TLK2: variants seen among roughly 807,000 people sequenced by gnomAD.
TLK2 encodes tousled like kinase 2.
A neutral mutation model predicts 117.3 loss-of-function variants in TLK2; 6 were observed. The ratio of observed to expected loss-of-function variants is 0.05; its 90% CI spans 0.03 to 0.10. The LOEUF (loss-of-function observed/expected upper bound fraction) is 0.10, where lower values mean the gene tolerates loss of function less well. TLK2 is among the 10% of genes least tolerant of loss of function. The probability of loss-of-function intolerance (pLI) is 1.00; values close to 1 mark genes in which losing one functional copy is unlikely to be tolerated. For synonymous variants in TLK2, 257 were observed against 316.7 expected (o/e 0.81, Z 2.00); for missense variants, 299 against 901.2 (o/e 0.33, Z 8.56).
At chr17:62,578,433 A>G in intron 13 of TLK2, 44 bp from the exon 14 acceptor site, 2 of 1,519,348 alleles carry the variant, frequency 1.3e-6, no homozygotes, top group Non-Finnish European at 1.8e-6. Context: ...CCGAAAAGGT[A>G]AAGTTCCCCC....
intron 16 of TLK2, among the ~76,000 whole-genome samples, chr17:62,596,366 G>A (rs557144121): frequency 2.0e-5 from 3 of 152,286 alleles, no homozygotes; most frequent in East Asian, 3.9e-4. Context: ...GAGCCACTAC[G>A]CCCAGCCAGA....
chr17:62,494,769 C>T (rs1192356051), intron 2 of TLK2, among the ~76,000 whole-genome samples: 1 of 152,174 alleles, frequency 6.6e-6, no homozygotes, highest in African/African-American at 2.4e-5. Flanking sequence ...GCCTATGGCA[C>T]ATAGCTGAGG....
At chr17:62,590,434 C>A (rs2081992423) in intron 16 of TLK2, among the ~76,000 whole-genome samples, 1 of 152,092 alleles carries the variant, frequency 6.6e-6, no homozygotes. Flanking sequence ...CAGAGCGAGA[C>A]TCCGTCTCAA....
intron 11 of TLK2, among the ~76,000 whole-genome samples, chr17:62,566,836 C>T (rs2079833683): frequency 6.6e-6 from 1 of 152,338 alleles, no homozygotes; most frequent in Non-Finnish European, 1.5e-5. Flanking sequence ...GGTAGTCACT[C>T]TGAGCAGCCC....
intron 12 of TLK2, chr17:62,574,500 T>A: frequency 1.4e-6 from 1 of 716,174 alleles, no homozygotes. Flanking sequence ...TTCATTCATA[T>A]AACTCCAAAT....
intron 6 of TLK2, among the ~76,000 whole-genome samples, chr17:62,533,926 C>A (rs1390627005): frequency 6.6e-6 from 1 of 152,012 alleles, no homozygotes; most frequent in Non-Finnish European, 1.5e-5. Context: ...TCTGCACAAA[C>A]GTCCTACCAT....
At chr17:62,481,856 T>C (rs2071691043) in intron 2 of TLK2, among the ~76,000 whole-genome samples, 1 of 152,218 alleles carries the variant, frequency 6.6e-6, no homozygotes, top group Non-Finnish European at 1.5e-5. Flanking sequence ...TTTAATACAG[T>C]ATGCAAAGTA....
At chr17:62,606,080 A>AT in intron 19 of TLK2, 50 bp from the exon 20 acceptor site, 1 of 825,406 alleles carries the variant, frequency 1.2e-6, no homozygotes, top group Non-Finnish European at 1.8e-6. Context: ...TACATGTCTT[A>AT]AACTTATATG....
At chr17:62,531,081 C>T (rs1471026915) in intron 6 of TLK2, among the ~76,000 whole-genome samples, 5 of 152,202 alleles carry the variant, frequency 3.3e-5, no homozygotes, top group African/African-American at 9.6e-5. Context: ...CATTTCATTT[C>T]TCTTGCTTGT....
At chr17:62,588,162 T>C (rs181946419) in intron 16 of TLK2, among the ~76,000 whole-genome samples, 129 of 152,146 alleles carry the variant, frequency 8.5e-4, no homozygotes, top group African/African-American at 3.0e-3. Flanking sequence ...CATCTATACA[T>C]ATACATATTT....
chr17:62,567,127 C>CT (rs1303096177), intron 11 of TLK2, among the ~76,000 whole-genome samples: 2 of 152,074 alleles, frequency 1.3e-5, no homozygotes, highest in Non-Finnish European at 1.5e-5. Flanking sequence ...ACTTGGGAGG[C>CT]TGAGGTGGGA....
chr17:62,595,281 C>T (rs971651800), intron 16 of TLK2, among the ~76,000 whole-genome samples: 1 of 147,592 alleles, frequency 6.8e-6, no homozygotes, highest in Non-Finnish European at 1.5e-5. Context: ...GTGCCTGGCC[C>T]CCTTTTTTTT....
chr17:62,550,515 A>T (rs2078368873), intron 7 of TLK2: 1 of 152,350 alleles, frequency 6.6e-6, no homozygotes, highest in East Asian at 1.9e-4. Context: ...TACCATGTGT[A>T]CCTAGCACCT....
chr17:62,500,985 T>A (rs1395610020), intron 2 of TLK2, among the ~76,000 whole-genome samples: 1 of 152,216 alleles, frequency 6.6e-6, no homozygotes, highest in Non-Finnish European at 1.5e-5. Flanking sequence ...ACACCTGTAA[T>A]CCCAGCACTT....
chr17:62,565,766 G>T (rs966436257), intron 11 of TLK2, among the ~76,000 whole-genome samples: 1 of 151,668 alleles, frequency 6.6e-6, no homozygotes, highest in African/African-American at 2.4e-5. Flanking sequence ...ATTATATAAT[G>T]AATTTTCATT....
At chr17:62,563,011 G>T (rs934071332) in intron 10 of TLK2, among the ~76,000 whole-genome samples, 1 of 152,128 alleles carries the variant, frequency 6.6e-6, no homozygotes, top group Non-Finnish European at 1.5e-5. Flanking sequence ...GAATATTCAT[G>T]GGAATTTTAT....
chr17:62,544,957 G>A (rs1478884179), intron 7 of TLK2, among the ~76,000 whole-genome samples: 1 of 152,010 alleles, frequency 6.6e-6, no homozygotes, highest in Non-Finnish European at 1.5e-5. Context: ...TTACGCTATT[G>A]CAAATGGAAT....
chr17:62,522,397 A>T, intron 4 of TLK2, 124 bp downstream of exon 4: 1 of 1,080,764 alleles, frequency 9.3e-7, no homozygotes, highest in Non-Finnish European at 1.3e-6. Flanking sequence ...TGTGTATCTT[A>T]AGGGAATATC....
chr17:62,590,465 T>C (rs559100419), intron 16 of TLK2, among the ~76,000 whole-genome samples: 4 of 152,272 alleles, frequency 2.6e-5, no homozygotes, highest in Admixed American at 6.5e-5. Context: ...AGCAGCACGC[T>C]TATTTTATCA....
Sources: gnomAD v4.1 joint callset for allele counts (sites outside exome capture counted in the v4.1 genomes callset) on GRCh38, gnomAD v4.1.1 for gene constraint, MANE v1.5 for transcripts, NCBI Gene and HGNC (gene_info 2026-07-23, HGNC 2026-07-21) for gene names.